The following MYRFL variants were observed in gnomAD, a reference collection of about 807,000 sequenced individuals.
MYRFL encodes the protein myelin regulatory factor-like protein.
MYRFL carries 88 observed loss-of-function variants against 109.4 expected under a neutral mutation model. The ratio of observed to expected loss-of-function variants is 0.80; its 90% CI spans 0.68 to 0.96. MYRFL has a LOEUF of 0.96. Among genes scored for constraint, MYRFL ranks in the 40% least tolerant of loss-of-function variants. The pLI is 0.00. For missense variants in MYRFL, 957 were observed against 954.9 expected (o/e 1.00, Z -0.03); for synonymous variants, 324 against 320.9 (o/e 1.01, Z -0.10).
At chr12:69,915,682 G>C (rs2120407635) in intron 13 of MYRFL, among the ~76,000 whole-genome samples, 1 of 152,224 alleles carries the variant, frequency 6.6e-6, no homozygotes, top group South Asian at 2.1e-4. Context: ...GTGCCCTAGT[G>C]AAGGCCCAGT....
intron 13 of MYRFL, 40 bp downstream of exon 13, chr12:69,910,970 T>C: frequency 7.1e-7 from 1 of 1,417,646 alleles, no homozygotes; most frequent in Non-Finnish European, 9.6e-7. Context: ...AAGCTATCAG[T>C]CTAGGGATAA....
At chr12:69,851,405 A>AT (rs1187267937) in intron 1 of MYRFL, among the ~76,000 whole-genome samples, 1 of 152,200 alleles carries the variant, frequency 6.6e-6, no homozygotes, top group African/African-American at 2.4e-5. Context: ...AACATATTTC[A>AT]GTTTGTTTTT....
intron 13 of MYRFL, among the ~76,000 whole-genome samples, chr12:69,916,254 A>C (rs1954725301): frequency 6.6e-6 from 1 of 152,124 alleles, no homozygotes. Context: ...TGTGAGAAAT[A>C]CTATGGGATG....
chr12:69,901,810 GT>G (rs1483950343), intron 10 of MYRFL, among the ~76,000 whole-genome samples: 2 of 151,460 alleles, frequency 1.3e-5, no homozygotes, highest in Admixed American at 1.3e-4. Flanking sequence ...ACAAAATAAT[GT>G]TCAAAGTTTT....
At chr12:69,903,931 C>T (rs187763099) in intron 11 of MYRFL, 87 bp downstream of exon 11, 53 of 1,220,536 alleles carry the variant, frequency 4.3e-5, no homozygotes, top group African/African-American at 3.5e-4. Flanking sequence ...CACCTTGAAC[C>T]GCACATCTTT....
At chr12:69,928,974 G>A (rs1202057391) in intron 15 of MYRFL, among the ~76,000 whole-genome samples, 1 of 152,132 alleles carries the variant, frequency 6.6e-6, no homozygotes, top group Non-Finnish European at 1.5e-5. Context: ...TTATTTTGCA[G>A]TTATCTCAGA....
At chr12:69,844,455 C>T (rs1883415931) in intron 1 of MYRFL, among the ~76,000 whole-genome samples, 1 of 152,182 alleles carries the variant, frequency 6.6e-6, no homozygotes, top group African/African-American at 2.4e-5. Context: ...GCAGGGGCTT[C>T]AGAGGAAATC....
chr12:69,895,266 C>A, intron 8 of MYRFL, 105 bp from the exon 9 acceptor site: 2 of 825,968 alleles, frequency 2.4e-6, no homozygotes, highest in Non-Finnish European at 3.8e-6. Context: ...GTGGTGAGAA[C>A]TGGGAACCAA....
At chr12:69,919,187 A>C (rs934570523) in intron 13 of MYRFL, among the ~76,000 whole-genome samples, 6 of 152,332 alleles carry the variant, frequency 3.9e-5, no homozygotes, top group African/African-American at 1.4e-4. Context: ...GTTGGCCCTG[A>C]GGAGTCACAA....
chr12:69,848,016 A>G (rs918055267), intron 1 of MYRFL, among the ~76,000 whole-genome samples: 1 of 152,112 alleles, frequency 6.6e-6, no homozygotes, highest in Non-Finnish European at 1.5e-5. Context: ...GTTTATCTAA[A>G]TCCTCCATAC....
intron 19 of MYRFL, among the ~76,000 whole-genome samples, chr12:69,943,485 G>GA (rs1178047673): frequency 2.0e-5 from 3 of 148,380 alleles, no homozygotes; most frequent in African/African-American, 7.5e-5. Context: ...GCCATATGTA[G>GA]AAAGCTGAAA....
In MYRFL at chr12:69,952,820, C is replaced by G. The variant is rs1355938268; in HGVS notation, c.2309C>G (p.Ser770Cys). The G allele has an allele frequency of 6.5e-7, 1 of 1,533,792 alleles. No homozygotes were observed. Among genetic ancestry groups the G allele is most frequent in the Non-Finnish European group, 8.7e-7 (1 of 1,145,160 alleles). The change falls in exon 21 of 25, where the codon TCT becomes TGT. Residue 770 changes from serine to cysteine, a missense_variant. Physicochemically the swap from Ser to Cys is moderately radical, Grantham distance 112 (BLOSUM62 -1). Coordinates refer to ENST00000552032, the MANE Select transcript of MYRFL (RefSeq NM_182530.3). ...ESDWIDTTIS[S>C]IQIMEIQQII... ...TCAGGGATTGATACAACCATCAGTTCTATTCAGATTATGGAAATCCAGCAA... is the reference window on the plus strand; with the variant it reads ...TCAGGGATTGATACAACCATCAGTTGTATTCAGATTATGGAAATCCAGCAA...
intron 22 of MYRFL, among the ~76,000 whole-genome samples, chr12:69,955,941 T>G (rs2120561636): frequency 6.6e-6 from 1 of 152,206 alleles, no homozygotes; most frequent in Middle Eastern, 3.4e-3. Flanking sequence ...GACAAGCCAC[T>G]TATCTTCTTT....
Position 69,936,295 on chromosome 12 carries a change from C to G in MYRFL, c.2004C>G (p.Ser668Arg). The G allele has an allele frequency of 6.5e-7, 1 of 1,536,162 alleles. No homozygotes were observed. The highest frequency in any genetic ancestry group is 8.7e-7 in the Non-Finnish European group (1 of 1,146,904). ...VPNLPPSNIT[S>R]SQEPALLPTA... ...TCTTTTTCTCCAGCAATATCACAAG[C>G]TCACAGGAGCCAGCTCTGCTGCCCA... Residue 668 changes from serine (S) to arginine (R), a missense_variant, in exon 18 of 25, where the codon AGC becomes AGG. Ser to Arg is a moderately radical substitution (Grantham distance 110, BLOSUM62 -1). Coordinates refer to ENST00000552032, the MANE Select transcript of MYRFL (RefSeq NM_182530.3).
At chr12:69,949,027 G>A (rs1336733154) in intron 19 of MYRFL, among the ~76,000 whole-genome samples, 5 of 152,104 alleles carry the variant, frequency 3.3e-5, no homozygotes, top group Non-Finnish European at 7.4e-5. Flanking sequence ...GCACCACTGT[G>A]AGCCCAGCAT....
intron 1 of MYRFL, among the ~76,000 whole-genome samples, chr12:69,845,726 G>A (rs1883487252): frequency 6.9e-6 from 1 of 145,102 alleles, no homozygotes; most frequent in African/African-American, 2.6e-5. Context: ...TCAATTATCT[G>A]TCATCTATTT....
rs561675771 is a variant in MYRFL at position 69,953,751 on chromosome 12, A to AAAGT, written c.2375+866_2375+869dup. Among the ~76,000 whole-genome samples the AAAGT allele has an allele frequency of 3.1e-3, 451 of 143,456 alleles. 5 individuals carry two copies. Among genetic ancestry groups the AAAGT allele is most frequent in the African/African-American group, 0.011 (427 of 39,082 alleles). The allele number at this position is 143,456 out of a possible 152,430, so 94.1% of individuals were successfully genotyped here. A position where few individuals can be genotyped will look rare whatever the true frequency, so the allele number is the denominator to read the frequency against. On this transcript the variant is annotated intron_variant, in intron 21 of 24. Coordinates refer to ENST00000552032, the MANE Select transcript of MYRFL (RefSeq NM_182530.3). ...ACCACTGTACTCCAGCCTGGATGAC[A>AAAGT]AAGTGCAACCCGGACACACACACAC...
In MYRFL at chr12:69,886,938, G is replaced by A. The variant is rs1464630135; in HGVS notation, c.675G>A (p.Trp225Ter). The change falls in exon 6 of 25, where the codon TGG becomes TGA. Residue 225 changes from tryptophan to a stop codon, truncating the protein, a stop_gained. Transcript: ENST00000552032. LOFTEE classifies it high-confidence loss of function. ...GGCAACCATGCCATAGTGTTCCTTG[G>A]CACAGCTTATTAAACAGTCATTATG... Reference protein sequence around the residue: ...LKWQPCHSVPWHSLLNSHYEK... With the variant: ...LKWQPCHSVP 4 of 1,535,720 alleles carry A rather than the reference G, an allele frequency of 2.6e-6. No homozygotes were observed. The highest frequency in any genetic ancestry group is 3.5e-6 in the Non-Finnish European group (4 of 1,146,708).
At chr12:69,895,844 A>G (rs1325712270) in intron 9 of MYRFL, among the ~76,000 whole-genome samples, 1 of 152,194 alleles carries the variant, frequency 6.6e-6, no homozygotes, top group Non-Finnish European at 1.5e-5. Context: ...AAGTTCTGCT[A>G]TGACCTTTTT....
Sources: gnomAD v4.1 joint callset for allele counts (sites outside exome capture counted in the v4.1 genomes callset) on GRCh38, gnomAD v4.1.1 for gene constraint, MANE v1.5 for transcripts, NCBI Gene and HGNC (gene_info 2026-07-23, HGNC 2026-07-21) for gene names.